Variants in LYZL2 observed in about 807,000 individuals in gnomAD.
LYZL2 encodes the protein lysozyme like 2.
In LYZL2, 13 loss-of-function variants were observed where a neutral mutation model predicts 17.1. The ratio of observed to expected loss-of-function variants is 0.76; its 90% CI spans 0.49 to 1.21. LYZL2 has a LOEUF of 1.21. Ranked by LOEUF, LYZL2 falls within the 50% of genes most tolerant of loss-of-function variation. LYZL2 has a pLI of 0.00. For missense variants in LYZL2, 166 were observed against 189.2 expected, an observed-to-expected ratio of 0.88 and a Z score of 0.72; for synonymous variants, 63 against 74.4, an observed-to-expected ratio of 0.85 and a Z score of 0.79.
At chr10:30,612,212 C>T (rs1838457278) in intron 4 of LYZL2, among the ~76,000 whole-genome samples, 188 bp from the exon 5 acceptor site, 1 of 152,236 alleles carries the variant, frequency 6.6e-6, no homozygotes, top group South Asian at 2.1e-4. Context: ...TTTCTCCTAG[C>T]CACTGTTAGC....
chr10:30,620,976 A>G (rs1265555664), intron 3 of LYZL2, among the ~76,000 whole-genome samples: 1 of 152,236 alleles, frequency 6.6e-6, no homozygotes, highest in Non-Finnish European at 1.5e-5. Context: ...TGAATGGTAC[A>G]GCATCAGCGA....
intron 3 of LYZL2, among the ~76,000 whole-genome samples, chr10:30,625,449 G>C (rs1008278222): frequency 6.6e-6 from 1 of 152,040 alleles, no homozygotes; most frequent in African/African-American, 2.4e-5. Context: ...AGTGAAGTCA[G>C]ACAGTCACCT....
Position 30,616,811 on chromosome 10 carries a change from T to C in LYZL2, c.299-3911A>G, listed in dbSNP as rs377706577. 7.7e-4 allele frequency among the ~76,000 whole-genome samples: 117 copies of C among 152,324 alleles called. 1 individual carries two copies. In the South Asian group the frequency reaches 0.011, roughly 15 times the overall value. ...GATTCCTTCTTCCAACAGAGGCCAC[T>C]TAAGCAAGATTCCTGCTCATGGAAC... On this transcript the variant is annotated intron_variant, in intron 3 of 4. Coordinates refer to ENST00000647634, the MANE Select transcript of LYZL2 (RefSeq NM_183058.3).
At chr10:30,607,758 T>A (rs962051873), downstream of LYZL2, among the ~76,000 whole-genome samples, 3 of 152,136 alleles carry the variant, frequency 2.0e-5, no homozygotes, top group Non-Finnish European at 4.4e-5. Flanking sequence ...TGGCTGCGGC[T>A]TTTTTGCAAG....
chr10:30,622,424 CTG>C (rs1345449158), intron 3 of LYZL2, among the ~76,000 whole-genome samples: 1 of 152,106 alleles, frequency 6.6e-6, no homozygotes, highest in Non-Finnish European at 1.5e-5. Context: ...TGGCATGTGC[CTG>C]TAGTCCCAGC....
intron 1 of LYZL2, among the ~76,000 whole-genome samples, chr10:30,627,838 C>G (rs755619449): frequency 5.3e-5 from 8 of 152,172 alleles, no homozygotes; most frequent in Non-Finnish European, 1.2e-4. Context: ...AGATGAAATA[C>G]ACGTGGACCT....
At chr10:30,615,170 T>C (rs1389242173) in intron 3 of LYZL2, among the ~76,000 whole-genome samples, 2 of 152,192 alleles carry the variant, frequency 1.3e-5, no homozygotes, top group African/African-American at 4.8e-5. Flanking sequence ...TGGATAAAAA[T>C]ATGTTTATAT....
chr10:30,618,682 G>A (rs1325788293), intron 3 of LYZL2, among the ~76,000 whole-genome samples: 17 of 152,104 alleles, frequency 1.1e-4, no homozygotes. Context: ...AATTCAAGAT[G>A]GACTAAAGAC....
intron 3 of LYZL2, among the ~76,000 whole-genome samples, chr10:30,614,961 C>T (rs1309349423): frequency 6.6e-6 from 1 of 152,078 alleles, no homozygotes; most frequent in Admixed American, 6.5e-5. Flanking sequence ...GTCATAATAC[C>T]TTCATTTAAT....
chr10:30,612,507 T>C (rs1017794240), intron 4 of LYZL2, among the ~76,000 whole-genome samples: 2 of 152,254 alleles, frequency 1.3e-5, no homozygotes, highest in East Asian at 1.9e-4. Flanking sequence ...AGCTTTTTTT[T>C]CCCTCTGGTG....
At chr10:30,606,912 CTTTTT>C (rs5784208), downstream of LYZL2, among the ~76,000 whole-genome samples, 3 of 144,770 alleles carry the variant, frequency 2.1e-5, no homozygotes, top group Admixed American at 6.9e-5. Flanking sequence ...TACTTTTGGT[CTTTTT>C]TTTTTTTTTT....
At chr10:30,613,732 T>G (rs1164225579) in intron 3 of LYZL2, among the ~76,000 whole-genome samples, 1 of 152,204 alleles carries the variant, frequency 6.6e-6, no homozygotes, top group Non-Finnish European at 1.5e-5. Flanking sequence ...TGTTTCCTTT[T>G]TGAGACAGAA....
At position 30,629,637 on chromosome 10, in the gene LYZL2, A is replaced by C; in HGVS notation, c.-70T>G. 1.2e-6 allele frequency: 2 copies of C among 1,614,246 alleles called. No individual in the cohort carries two copies. Among genetic ancestry groups the C allele is most frequent in the Non-Finnish European group, 1.7e-6 (2 of 1,180,024 alleles). ...TGCCTGCCGCAGAGGCTGACTTCTCAGTTGAGTCTGCGGAAGAAACACTGC... is the reference window on the plus strand; with the variant it reads ...TGCCTGCCGCAGAGGCTGACTTCTCCGTTGAGTCTGCGGAAGAAACACTGC... On this transcript the variant is annotated 5_prime_UTR_variant, in exon 1 of 5. Transcript: ENST00000647634.
At chr10:30,613,625 T>C (rs1488162225) in intron 3 of LYZL2, among the ~76,000 whole-genome samples, 1 of 152,178 alleles carries the variant, frequency 6.6e-6, no homozygotes, top group Non-Finnish European at 1.5e-5. Flanking sequence ...TCAGTTTGTG[T>C]CTTAAAAAAA....
rs555814026 is a variant in LYZL2, at chr10:30,611,830, T to G, written c.*125A>C. The G allele has an allele frequency of 3.3e-5, 51 of 1,533,728 alleles. No individual in the cohort carries two copies. In the African/African-American group the frequency reaches 6.4e-4, roughly 19 times the overall value. On this transcript the variant is annotated 3_prime_UTR_variant, in exon 5 of 5. Transcript: ENST00000647634. ...TATTTATTTTCTTAAAAGTATAGCT[T>G]AATTTTCCCTCTCCAAGTTTGAGAA...
chr10:30,613,214 A>G (rs1288704083), intron 3 of LYZL2, among the ~76,000 whole-genome samples: 1 of 152,210 alleles, frequency 6.6e-6, no homozygotes, highest in Non-Finnish European at 1.5e-5. Context: ...AGAAATAGGC[A>G]CAGGCCGGGC....
chr10:30,622,900 T>C (rs2132946793), intron 3 of LYZL2, among the ~76,000 whole-genome samples: 1 of 152,364 alleles, frequency 6.6e-6, no homozygotes, highest in East Asian at 1.9e-4. Context: ...CTACATGACT[T>C]ATAAATAATT....
At position 30,611,897 on chromosome 10, in the gene LYZL2, G is replaced by T; in HGVS notation, c.*58C>A. ...ACGGGACAAGATGACACAGGCATTT[G>T]GACATTCACTGCAAACCCTAGGGCG... On this transcript the variant is annotated 3_prime_UTR_variant, in exon 5 of 5. Coordinates refer to ENST00000647634, the MANE Select transcript of LYZL2 (RefSeq NM_183058.3). 1 of 1,613,018 alleles carries T rather than the reference G, an allele frequency of 6.2e-7. No homozygotes were observed. Among genetic ancestry groups the T allele is most frequent in the Non-Finnish European group, 8.5e-7 (1 of 1,179,676 alleles).
At chr10:30,621,548 C>T (rs1211379339) in intron 3 of LYZL2, among the ~76,000 whole-genome samples, 1 of 152,058 alleles carries the variant, frequency 6.6e-6, no homozygotes, top group African/African-American at 2.4e-5. Context: ...CATGCCACTA[C>T]ACTCACAGTG....
Sources: gnomAD v4.1 joint callset for allele counts (sites outside exome capture counted in the v4.1 genomes callset) on GRCh38, gnomAD v4.1.1 for gene constraint, MANE v1.5 for transcripts, NCBI Gene and HGNC (gene_info 2026-07-23, HGNC 2026-07-21) for gene names.